LRIG1: variants seen among roughly 807,000 people sequenced by gnomAD.
The protein encoded by LRIG1 is leucine-rich repeats and immunoglobulin-like domains protein 1.
In LRIG1, 48 loss-of-function variants were observed where a neutral mutation model predicts 99.2. That is an observed-to-expected ratio of 0.48 (90% confidence interval 0.38 to 0.62). LRIG1 has a LOEUF of 0.62. Among genes scored for constraint, LRIG1 ranks in the 20% least tolerant of loss-of-function variants. The pLI is 0.00. For missense variants in LRIG1, 1,646 were observed against 1,434.4 expected, an observed-to-expected ratio of 1.15 and a Z score of -2.38; for synonymous variants, 772 against 596.1, an observed-to-expected ratio of 1.29 and a Z score of -4.30.
intron 3 of LRIG1, among the ~76,000 whole-genome samples, chr3:66,438,275 T>C (rs769832531): frequency 3.9e-5 from 6 of 152,134 alleles, no homozygotes; most frequent in African/African-American, 4.8e-5. Flanking sequence ...CTCCACAGAA[T>C]TCATAAACAT....
intron 1 of LRIG1, among the ~76,000 whole-genome samples, chr3:66,470,097 TA>T (rs1391307273): frequency 6.6e-6 from 1 of 152,150 alleles, no homozygotes; most frequent in Admixed American, 6.5e-5. Context: ...CACCAAAAAC[TA>T]AAGTTTCAGC....
intron 1 of LRIG1, among the ~76,000 whole-genome samples, chr3:66,488,187 A>G (rs1701017105): frequency 1.3e-5 from 2 of 152,122 alleles, no homozygotes; most frequent in African/African-American, 4.8e-5. Flanking sequence ...TTCTCCATGA[A>G]AAGTATTTTA....
rs539464751 is a variant in LRIG1 at position 66,407,550 on chromosome 3, C to A, written c.936-59G>T. On this transcript the variant is annotated intron_variant, in intron 7 of 18. Transcript: ENST00000273261. Reference sequence around the variant, plus strand: ...AGTGTGGTTGCCCCCCAACCCCACCCCACCGGAAATTGGGCCACAGTCAGC... The same window carrying A: ...AGTGTGGTTGCCCCCCAACCCCACCACACCGGAAATTGGGCCACAGTCAGC... The A allele has an allele frequency of 1.7e-4, 275 of 1,592,200 alleles. 1 individual carries two copies. Among genetic ancestry groups the A allele is most frequent in the Non-Finnish European group, 8.6e-6 (10 of 1,164,270 alleles).
At chr3:66,491,341 C>A (rs1264876181) in intron 1 of LRIG1, among the ~76,000 whole-genome samples, 1 of 152,084 alleles carries the variant, frequency 6.6e-6, no homozygotes. Flanking sequence ...GGATTTTAAT[C>A]AACAATTAAT....
intron 1 of LRIG1, among the ~76,000 whole-genome samples, chr3:66,466,128 C>T (rs944265987): frequency 1.3e-5 from 2 of 152,174 alleles, no homozygotes; most frequent in African/African-American, 4.8e-5. Context: ...AACTCTTGGG[C>T]TCAAGTGATC....
rs60622033 is a variant in LRIG1, at chr3:66,382,313, G to A, written c.2577C>T (p.Thr859=). 90 of 1,614,110 alleles carry A rather than the reference G, an allele frequency of 5.6e-5. 1 individual carries two copies. Among genetic ancestry groups the A allele is most frequent in the South Asian group, 1.3e-4 (12 of 91,080 alleles). The stretch of plus-strand genomic sequence containing the variant: ...GCCCATTGGCCTGAGGGCCACCCTC[G>A]GTCCTGACCACGGTTTCTTGTCGGT... ...LSDRQETVVR[T]EGGPQANGHI... is the part of the protein sequence containing the mutation. The change falls in exon 16 of 19, where the codon ACC becomes ACT. Residue 859 remains threonine, a synonymous_variant. Coordinates refer to ENST00000273261, the MANE Select transcript of LRIG1 (RefSeq NM_015541.3).
At chr3:66,381,052 T>A (rs1237389516) in intron 17 of LRIG1, 191 bp from the exon 18 acceptor site, 2 of 618,318 alleles carry the variant, frequency 3.2e-6, no homozygotes, top group African/African-American at 1.8e-5. Flanking sequence ...ACTCATGAAC[T>A]GTGGGGTCTT....
At position 66,396,516 on chromosome 3, in the gene LRIG1, C is replaced by A. The variant is rs1004458592; in HGVS notation, c.1304+1596G>T. Among the ~76,000 whole-genome samples the A allele has an allele frequency of 6.6e-5, 10 of 152,316 alleles. No individual in the cohort carries two copies. The South Asian group carries it at 2.1e-3, about 32-fold the overall frequency. On this transcript the variant is annotated intron_variant, in intron 11 of 18. Transcript: ENST00000273261. ...AAAAAGACGACCAAGTGGAATTAAC[C>A]ATTTCTCTCATCTGAGGACTGGGCA...
In LRIG1 at chr3:66,426,246, A is replaced by ATT. The variant is rs1702978912; in HGVS notation, c.366-8981_366-8980insAA. Among the ~76,000 whole-genome samples, 3 of 152,314 alleles carry ATT rather than the reference A, an allele frequency of 2.0e-5. No homozygotes were observed. The South Asian group carries it at 6.2e-4, about 32-fold the overall frequency. On this transcript the variant is annotated intron_variant, in intron 3 of 18. Transcript: ENST00000273261. ...GGGTCATACTGTCTCTGTCATGACCACTCAGTTCTGCTGTTATAATGTAAA... is the reference window on the plus strand; with the variant it reads ...GGGTCATACTGTCTCTGTCATGACCATTCTCAGTTCTGCTGTTATAATGTAAA...
intron 1 of LRIG1, among the ~76,000 whole-genome samples, chr3:66,472,306 A>G (rs1352988375): frequency 1.3e-4 from 1 of 7,532 alleles, no homozygotes; most frequent in African/African-American, 1.8e-4. Flanking sequence ...TCTGTCTCAA[A>G]AAAAAAAAAA....
In LRIG1 at chr3:66,413,954, T is replaced by C. The variant is rs141546122; in HGVS notation, c.648-940A>G. Among the ~76,000 whole-genome samples, 160 of 150,700 alleles carry C rather than the reference T, an allele frequency of 1.1e-3. 1 individual carries two copies. Among genetic ancestry groups the C allele is most frequent in the Non-Finnish European group, 1.2e-4 (8 of 67,754 alleles). The stretch of plus-strand genomic sequence containing the variant: ...ATTTTCCTGAAATACATTCTTCTGC[T>C]AAAAAGAGGGCACAGGAAAAAAAAA... On this transcript the variant is annotated intron_variant, in intron 5 of 18. Transcript: ENST00000273261.
At chr3:66,388,479 A>G (rs916281907) in intron 12 of LRIG1, among the ~76,000 whole-genome samples, 1 of 152,234 alleles carries the variant, frequency 6.6e-6, no homozygotes, top group African/African-American at 2.4e-5. Context: ...AAATTTGATG[A>G]AAAATGTGCA....
chr3:66,391,433 G>A (rs765645393), intron 12 of LRIG1, among the ~76,000 whole-genome samples: 18 of 152,166 alleles, frequency 1.2e-4, no homozygotes, highest in Non-Finnish European at 1.9e-4. Flanking sequence ...TAAATAAAAT[G>A]TAAACCCATT....
Position 66,386,313 on chromosome 3 carries a change from A to G in LRIG1, c.1469-12T>C. On this transcript the variant is annotated splice_polypyrimidine_tract_variant and intron_variant, in intron 12 of 18. Transcript: ENST00000273261. Reference sequence around the variant, plus strand: ...CTTCAGGAAGTCATCTGGGGAGAGAAGGGTCAACTGTAAAGCGCTGGGTTC... The same window carrying G: ...CTTCAGGAAGTCATCTGGGGAGAGAGGGGTCAACTGTAAAGCGCTGGGTTC... 1 of 1,611,550 alleles carries G rather than the reference A, an allele frequency of 6.2e-7. No individual in the cohort carries two copies.
chr3:66,472,434 CA>C (rs1017496052), intron 1 of LRIG1, among the ~76,000 whole-genome samples: 1 of 151,908 alleles, frequency 6.6e-6, no homozygotes, highest in African/African-American at 2.4e-5. Context: ...TTGGCACAGT[CA>C]CCACCCGTAA....
At chr3:66,384,297 C>CG (rs767456419) in intron 13 of LRIG1, 25 bp from the exon 14 acceptor site, 1 of 1,594,378 alleles carries the variant, frequency 6.3e-7, no homozygotes. Flanking sequence ...TATACAGGGT[C>CG]GGGTTACGGG....
intron 1 of LRIG1, among the ~76,000 whole-genome samples, chr3:66,471,531 C>T (rs1575717586): frequency 2.0e-5 from 3 of 152,194 alleles, no homozygotes; most frequent in Admixed American, 6.5e-5. Flanking sequence ...AGGGCCCCAG[C>T]CGCTGCAGGG....
chr3:66,394,256 C>A (rs904763409), intron 11 of LRIG1, 53 bp from the exon 12 acceptor site: 2 of 1,461,976 alleles, frequency 1.4e-6, no homozygotes, highest in African/African-American at 2.8e-5. Context: ...AGGAGGGACA[C>A]TCCCTTCACA....
At chr3:66,499,636 G>A (rs924362888) in intron 1 of LRIG1, among the ~76,000 whole-genome samples, 22 of 152,094 alleles carry the variant, frequency 1.4e-4, no homozygotes, top group African/African-American at 4.1e-4. Context: ...CACGGTCTTC[G>A]GGGATCAGGA....
Sources: gnomAD v4.1 joint callset for allele counts (sites outside exome capture counted in the v4.1 genomes callset) on GRCh38, gnomAD v4.1.1 for gene constraint, MANE v1.5 for transcripts, NCBI Gene and HGNC (gene_info 2026-07-23, HGNC 2026-07-21) for gene names.